The following JMJD1C variants were observed in gnomAD, a reference collection of about 807,000 sequenced individuals.
JMJD1C encodes the protein jumonji domain containing 1C, also known as jumonji domain-containing protein 1C.
In JMJD1C, 31 loss-of-function variants were observed where a neutral mutation model predicts 245.3. The observed-to-expected ratio is 0.13, with a 90% CI of 0.09 to 0.17. The LOEUF is 0.17. Ranked by LOEUF, JMJD1C falls within the 10% of genes least tolerant of loss-of-function variation. JMJD1C has a pLI of 1.00. For synonymous variants in JMJD1C, 1,057 were observed against 1,017.4 expected (o/e 1.04, Z -0.74); for missense variants, 2,691 against 3,000.2 (o/e 0.90, Z 2.41).
chr10:63,342,705 C>G (rs1943483363), intron 2 of JMJD1C, among the ~76,000 whole-genome samples: 1 of 152,036 alleles, frequency 6.6e-6, no homozygotes, highest in African/African-American at 2.4e-5. Context: ...TTTTACTGTT[C>G]AGTAGTTTTG....
At chr10:63,232,693 A>C (rs1440129613) in intron 3 of JMJD1C, among the ~76,000 whole-genome samples, 2 of 152,208 alleles carry the variant, frequency 1.3e-5, no homozygotes, top group Non-Finnish European at 2.9e-5. Flanking sequence ...GATAAAGTTT[A>C]AGAGAAGTAT....
At chr10:63,433,691 TCCTCCCA>T (rs1950909128) in intron 1 of JMJD1C, among the ~76,000 whole-genome samples, 1 of 150,448 alleles carries the variant, frequency 6.6e-6, no homozygotes. Context: ...ACTCAAGTGA[TCCTCCCA>T]CCTCAGCCTC....
intron 3 of JMJD1C, among the ~76,000 whole-genome samples, chr10:63,255,049 C>T (rs574751163): frequency 6.6e-6 from 1 of 151,848 alleles, no homozygotes; most frequent in Non-Finnish European, 1.5e-5. Context: ...AGGGGTTCTC[C>T]CATGTTACCC....
intron 2 of JMJD1C, among the ~76,000 whole-genome samples, chr10:63,301,461 G>C (rs544286076): frequency 6.6e-6 from 1 of 152,234 alleles, no homozygotes; most frequent in Non-Finnish European, 1.5e-5. Context: ...TTCTTCCAGA[G>C]ATATGGTATG....
chr10:63,484,302 A>T (rs1468870369), intron 1 of JMJD1C, among the ~76,000 whole-genome samples: 1 of 152,150 alleles, frequency 6.6e-6, no homozygotes, highest in Non-Finnish European at 1.5e-5. Flanking sequence ...ACAGATAAAA[A>T]TAAAAAAATT....
chr10:63,247,006 C>T (rs1298311812), intron 3 of JMJD1C, among the ~76,000 whole-genome samples: 2 of 148,388 alleles, frequency 1.3e-5, no homozygotes, highest in African/African-American at 4.9e-5. Flanking sequence ...ATATACAACG[C>T]AACAATGCAC....
intron 1 of JMJD1C, among the ~76,000 whole-genome samples, chr10:63,512,774 G>A (rs1432893317): frequency 6.6e-6 from 1 of 152,042 alleles, no homozygotes; most frequent in East Asian, 1.9e-4. Context: ...TTAAAATATT[G>A]CTTCTGTTCC....
At chr10:63,422,872 G>C (rs1039503534) in intron 1 of JMJD1C, among the ~76,000 whole-genome samples, 1 of 151,868 alleles carries the variant, frequency 6.6e-6, no homozygotes, top group South Asian at 2.1e-4. Flanking sequence ...ATAATATAAA[G>C]TTAATTTAAC....
intron 10 of JMJD1C, 60 bp downstream of exon 10, chr10:63,206,535 C>T: frequency 1.5e-6 from 2 of 1,329,418 alleles, no homozygotes; most frequent in Non-Finnish European, 2.1e-6. Context: ...AAGCAGCACA[C>T]TAGTATAGCT....
At position 63,241,189 on chromosome 10, in the gene JMJD1C, C is replaced by T. The variant is rs182830630; in HGVS notation, c.448-21206G>A. Among the ~76,000 whole-genome samples, 6 of 152,212 alleles carry T rather than the reference C, an allele frequency of 3.9e-5. No individual in the cohort carries two copies. The East Asian group carries it at 5.8e-4, about 15-fold the overall frequency. ...GGATCTGCTTTGAAATACGGATGCT[C>T]GACTTATGAAGGGGTTACATCCAGA... On this transcript the variant is annotated intron_variant, in intron 3 of 25. Transcript: ENST00000399262.
At chr10:63,244,633 T>C (rs1851930623) in intron 3 of JMJD1C, among the ~76,000 whole-genome samples, 1 of 151,976 alleles carries the variant, frequency 6.6e-6, no homozygotes, top group African/African-American at 2.4e-5. Flanking sequence ...AACAGCTGTT[T>C]TAAGAAAACA....
chr10:63,322,242 G>C (rs1940959558), intron 2 of JMJD1C, among the ~76,000 whole-genome samples: 1 of 152,124 alleles, frequency 6.6e-6, no homozygotes, highest in Non-Finnish European at 1.5e-5. Context: ...ATTAAAATGA[G>C]TGGATGTCAG....
rs1841961303 is a variant in JMJD1C, at chr10:63,167,492, T to C, written c.*553A>G. On this transcript the variant is annotated 3_prime_UTR_variant, in exon 26 of 26. Transcript: ENST00000399262. The stretch of plus-strand genomic sequence containing the variant: ...TGTACAGTCAATAGCTTCAACAAAA[T>C]ATTGAAGTGTCTGTATTTAGTATCT... 6.6e-6 allele frequency: 1 copy of C among 152,626 alleles called. No homozygotes were observed. The highest frequency in any genetic ancestry group is 1.5e-5 in the Non-Finnish European group (1 of 68,026). The allele number at this position is 152,626 out of a possible 1,614,324, so 9.5% of individuals were successfully genotyped here. A position where few individuals can be genotyped will look rare whatever the true frequency, so the allele number is the denominator to read the frequency against.
intron 2 of JMJD1C, among the ~76,000 whole-genome samples, chr10:63,273,203 A>G (rs941771061): frequency 1.1e-4 from 17 of 152,172 alleles, no homozygotes; most frequent in African/African-American, 2.2e-4. Flanking sequence ...CTTGACATAC[A>G]TATATTTAGA....
At chr10:63,456,633 T>C (rs1952433289) in intron 1 of JMJD1C, among the ~76,000 whole-genome samples, 1 of 152,152 alleles carries the variant, frequency 6.6e-6, no homozygotes, top group African/African-American at 2.4e-5. Flanking sequence ...CACAGACCTC[T>C]TCTAGCTTTG....
chr10:63,323,012 T>C (rs1483729179), intron 2 of JMJD1C, among the ~76,000 whole-genome samples: 4 of 151,702 alleles, frequency 2.6e-5, no homozygotes, highest in East Asian at 1.9e-4. Context: ...TATACATACA[T>C]AGATCTATAT....
At chr10:63,419,624 A>G (rs960606993) in intron 1 of JMJD1C, among the ~76,000 whole-genome samples, 1 of 152,074 alleles carries the variant, frequency 6.6e-6, no homozygotes, top group African/African-American at 2.4e-5. Context: ...CAACAAAGGT[A>G]AAGACCCTGA....
rs527980313 is a variant in JMJD1C, at chr10:63,505,817, C to G, written n.113+15921G>C. ...ACATACTAGATAGCCCTCCTCCCCC[C>G]ACAGTACCCACCCCCCATCAACACA... On this transcript the variant is annotated intron_variant and non_coding_transcript_variant, in intron 1 of 3. Transcript: ENST00000633035. Among the ~76,000 whole-genome samples the G allele has an allele frequency of 3.1e-5, 4 of 129,734 alleles. No individual in the cohort carries two copies. In the South Asian group the frequency reaches 8.8e-4, roughly 29 times the overall value. The allele number at this position is 129,734 out of a possible 152,430, so 85.1% of individuals were successfully genotyped here.
At chr10:63,292,144 A>ATTTTTTTTTTTTTT (rs573065816) in intron 2 of JMJD1C, among the ~76,000 whole-genome samples, 1,573 of 56,258 alleles carry the variant, frequency 0.028, 490 homozygotes, top group African/African-American at 0.088. Context: ...GTAGAGACAG[A>ATTTTTTTTTTTTTT]TTTTTTTTTT....
Sources: allele counts gnomAD v4.1 joint callset (sites outside exome capture counted in the v4.1 genomes callset), GRCh38; gene constraint gnomAD v4.1.1; transcripts MANE v1.5; gene names NCBI Gene and HGNC (gene_info 2026-07-23, HGNC 2026-07-21).